Variants in B3GALT1 observed in about 807,000 individuals in gnomAD.
B3GALT1 encodes the protein beta-1,3-galactosyltransferase 1.
Under a neutral mutation model 23.2 loss-of-function variants are expected in B3GALT1, and 10 were observed. That is an observed-to-expected ratio of 0.43 (90% confidence interval 0.27 to 0.73). The LOEUF (loss-of-function observed/expected upper bound fraction) is 0.73. Ranked by LOEUF, B3GALT1 falls within the 30% of genes least tolerant of loss-of-function variation. B3GALT1 has a pLI of 0.21. For synonymous variants in B3GALT1, 156 were observed against 141.5 expected, an observed-to-expected ratio of 1.10 and a Z score of -0.73; for missense variants, 299 against 405.4, an observed-to-expected ratio of 0.74 and a Z score of 2.25.
At chr2:167,554,632 T>C (rs1683812482) in intron 2 of B3GALT1, among the ~76,000 whole-genome samples, 1 of 152,206 alleles carries the variant, frequency 6.6e-6, no homozygotes, top group South Asian at 2.1e-4. Context: ...AAAGACTATT[T>C]TAGCCATTTA....
intron 1 of B3GALT1, among the ~76,000 whole-genome samples, chr2:167,410,306 A>G (rs535136169): frequency 6.6e-6 from 1 of 152,144 alleles, no homozygotes; most frequent in African/African-American, 2.4e-5. Flanking sequence ...GATCAAGACC[A>G]TGGTGAAATC....
chr2:167,802,343 C>G (rs1688654757), intron 3 of B3GALT1, among the ~76,000 whole-genome samples: 1 of 152,182 alleles, frequency 6.6e-6, no homozygotes, highest in Admixed American at 6.5e-5. Flanking sequence ...GAGAGAGGGG[C>G]CCTGGAGCCA....
intron 4 of B3GALT1, among the ~76,000 whole-genome samples, chr2:167,850,811 TG>T (rs1376476724): frequency 2.0e-5 from 3 of 151,172 alleles, no homozygotes; most frequent in African/African-American, 2.4e-5. Flanking sequence ...TTTGGGGACT[TG>T]GGGGGAAGAG....
intron 3 of B3GALT1, among the ~76,000 whole-genome samples, chr2:167,674,819 A>G (rs928567451): frequency 7.2e-5 from 11 of 152,248 alleles, no homozygotes; most frequent in Admixed American, 2.0e-4. Context: ...GAAATCTGAC[A>G]TTAAATGTGA....
intron 1 of B3GALT1, among the ~76,000 whole-genome samples, chr2:167,447,902 A>G (rs1390995824): frequency 1.3e-5 from 2 of 152,070 alleles, no homozygotes; most frequent in African/African-American, 2.4e-5. Context: ...CTGGTACCTC[A>G]GTTGGAAATG....
At chr2:167,755,903 A>G (rs190900846) in intron 3 of B3GALT1, among the ~76,000 whole-genome samples, 1 of 152,140 alleles carries the variant, frequency 6.6e-6, no homozygotes, top group East Asian at 1.9e-4. Flanking sequence ...AGAGGCCAGG[A>G]GTTTGAGATT....
intron 4 of B3GALT1, among the ~76,000 whole-genome samples, chr2:167,863,337 C>T (rs1005452621): frequency 1.3e-5 from 2 of 152,138 alleles, no homozygotes; most frequent in African/African-American, 4.8e-5. Context: ...GGATCTAAAA[C>T]CATAAACTGA....
chr2:167,781,571 C>T (rs549290331), intron 3 of B3GALT1, among the ~76,000 whole-genome samples: 2 of 152,242 alleles, frequency 1.3e-5, no homozygotes, highest in Admixed American at 6.5e-5. Flanking sequence ...AAAATCAAAA[C>T]GATTTTGGCT....
At chr2:167,799,562 G>A (rs836676) in intron 3 of B3GALT1, among the ~76,000 whole-genome samples, 36,726 of 152,018 alleles carry the variant, frequency 0.24, 5,305 homozygotes, top group African/African-American at 0.39. Flanking sequence ...AATTAACACA[G>A]TATATTGCAA....
chr2:167,708,009 G>A (rs1395464806), intron 3 of B3GALT1, among the ~76,000 whole-genome samples: 1 of 152,156 alleles, frequency 6.6e-6, no homozygotes, highest in Non-Finnish European at 1.5e-5. Context: ...TCTGGTGGAG[G>A]AGAGGATGAC....
intron 1 of B3GALT1, among the ~76,000 whole-genome samples, chr2:167,432,122 C>G (rs1273083453): frequency 6.6e-6 from 1 of 152,042 alleles, no homozygotes; most frequent in Admixed American, 6.6e-5. Context: ...ACATAGGACC[C>G]TATTGAGTCA....
intron 1 of B3GALT1, among the ~76,000 whole-genome samples, chr2:167,308,901 T>C (rs1426366793): frequency 6.6e-6 from 1 of 152,040 alleles, no homozygotes; most frequent in East Asian, 1.9e-4. Flanking sequence ...TTCTCAGTGA[T>C]AAACTCCTTT....
chr2:167,552,586 T>G (rs1360941887), intron 2 of B3GALT1, among the ~76,000 whole-genome samples: 1 of 152,152 alleles, frequency 6.6e-6, no homozygotes, highest in Non-Finnish European at 1.5e-5. Flanking sequence ...GTTATTGTTA[T>G]TGTTACTATT....
intron 1 of B3GALT1, among the ~76,000 whole-genome samples, chr2:167,374,164 T>C (rs1697728713): frequency 2.0e-5 from 3 of 152,206 alleles, no homozygotes; most frequent in Non-Finnish European, 4.4e-5. Flanking sequence ...TGTCTCCAGC[T>C]GCGTCCATGC....
chr2:167,669,542 A>T (rs1686283529), intron 3 of B3GALT1, among the ~76,000 whole-genome samples: 1 of 152,156 alleles, frequency 6.6e-6, no homozygotes, highest in Non-Finnish European at 1.5e-5. Flanking sequence ...ATGATTTTGA[A>T]GTATATGTAT....
chr2:167,635,575 G>T (rs1685536465), intron 2 of B3GALT1, among the ~76,000 whole-genome samples: 1 of 152,062 alleles, frequency 6.6e-6, no homozygotes, highest in Non-Finnish European at 1.5e-5. Flanking sequence ...GCCAAATCAT[G>T]AGTGAACTCC....
At chr2:167,581,011 C>T (rs191879297) in intron 2 of B3GALT1, among the ~76,000 whole-genome samples, 8 of 152,288 alleles carry the variant, frequency 5.3e-5, no homozygotes, top group African/African-American at 1.4e-4. Context: ...GTATTCTCCT[C>T]CTCCACTCAC....
At chr2:167,490,796 T>A (rs1699697939) in intron 2 of B3GALT1, among the ~76,000 whole-genome samples, 1 of 152,196 alleles carries the variant, frequency 6.6e-6, no homozygotes, top group Non-Finnish European at 1.5e-5. Flanking sequence ...TATGCATGTC[T>A]ATGATTGAAA....
At chr2:167,630,311 T>C (rs1023954284) in intron 2 of B3GALT1, among the ~76,000 whole-genome samples, 2 of 151,768 alleles carry the variant, frequency 1.3e-5, no homozygotes, top group African/African-American at 4.8e-5. Context: ...ATAAAGTCAG[T>C]GTCATCCTTA....
Sources: gnomAD v4.1 joint callset for allele counts (sites outside exome capture counted in the v4.1 genomes callset) on GRCh38, gnomAD v4.1.1 for gene constraint, MANE v1.5 for transcripts, NCBI Gene and HGNC (gene_info 2026-07-23, HGNC 2026-07-21) for gene names.